The following ERBIN variants were observed in gnomAD, a reference collection of about 807,000 sequenced individuals.
ERBIN encodes the protein erbb2 interacting protein, also known as densin-180-like protein.
Under a neutral mutation model 158.4 loss-of-function variants are expected in ERBIN, and 60 were observed. That is an observed-to-expected ratio of 0.38 (90% confidence interval 0.31 to 0.47). The LOEUF is 0.47. Ranked by LOEUF, ERBIN falls within the 20% of genes least tolerant of loss-of-function variation. The probability of loss-of-function intolerance (pLI) is 0.99; values close to 1 mark genes in which losing one functional copy is unlikely to be tolerated. For synonymous variants in ERBIN, 594 were observed against 557.2 expected, an observed-to-expected ratio of 1.07 and a Z score of -0.93; for missense variants, 1,610 against 1,648.0, an observed-to-expected ratio of 0.98 and a Z score of 0.40.
At chr5:66,019,360 C>G (rs1486531527) in intron 7 of ERBIN, among the ~76,000 whole-genome samples, 1 of 152,108 alleles carries the variant, frequency 6.6e-6, no homozygotes, top group East Asian at 1.9e-4. Context: ...AAATTTAATG[C>G]TACCTAAAGA....
Position 66,046,243 on chromosome 5 carries a change from G to C in ERBIN, c.1603-110G>C, listed in dbSNP as rs548268357. 9.4e-5 allele frequency: 52 copies of C among 555,078 alleles called. No individual in the cohort carries two copies. The South Asian group carries it at 2.5e-3, about 27-fold the overall frequency. 34.4% of individuals were successfully genotyped at this position (555,078 alleles called of 1,614,324 possible). On this transcript the variant is annotated intron_variant, in intron 17 of 25. Transcript: ENST00000284037. The stretch of plus-strand genomic sequence containing the variant: ...CTATGTTTAAAGTTTTCATGTTTGA[G>C]ATTAGTCCAGAATTGGAAGTTGGCA...
intron 16 of ERBIN, among the ~76,000 whole-genome samples, chr5:66,043,789 C>T (rs1197620327): frequency 3.3e-5 from 5 of 151,918 alleles, no homozygotes; most frequent in East Asian, 1.9e-4. Context: ...CATAAATATA[C>T]GAATATCTGA....
At chr5:66,046,073 G>A (rs7356537) in intron 17 of ERBIN, among the ~76,000 whole-genome samples, 8,767 of 152,240 alleles carry the variant, frequency 0.058, 882 homozygotes, top group African/African-American at 0.2. Flanking sequence ...TGAGCTAAGT[G>A]ACTCAGTTGT....
intron 1 of ERBIN, among the ~76,000 whole-genome samples, chr5:65,953,778 T>G (rs754584811): frequency 1.3e-5 from 2 of 152,156 alleles, no homozygotes; most frequent in Non-Finnish European, 2.9e-5. Context: ...TGGTTGTCAG[T>G]CCTTTGATAT....
chr5:65,972,004 C>T (rs1352896692), intron 1 of ERBIN, among the ~76,000 whole-genome samples: 2 of 152,082 alleles, frequency 1.3e-5, no homozygotes, highest in African/African-American at 2.4e-5. Context: ...AGCTGTATGC[C>T]TATAAGGGCT....
rs186389158 is a variant in ERBIN at position 65,991,649 on chromosome 5, A to G, written c.-9-1061A>G. Among the ~76,000 whole-genome samples, 330 of 152,302 alleles carry G rather than the reference A, an allele frequency of 2.2e-3. 2 individuals are homozygous for G. Among genetic ancestry groups the G allele is most frequent in the African/African-American group, 7.7e-3 (322 of 41,562 alleles). The stretch of plus-strand genomic sequence containing the variant: ...GTTAATTGCTTTATTACTTGTGCAA[A>G]TATAATCTTACTTTGCTAATATAAT... On this transcript the variant is annotated intron_variant, in intron 2 of 25. Transcript: ENST00000284037.
At chr5:66,025,171 CCA>C (rs1253343759) in intron 10 of ERBIN, 2 of 311,102 alleles carry the variant, frequency 6.4e-6, no homozygotes, top group Non-Finnish European at 1.2e-5. Context: ...CTTTTCTGTG[CCA>C]TGACATTGTT....
In ERBIN at chr5:66,043,153, A is replaced by C. The variant is rs1259724842; in HGVS notation, c.1383A>C (p.Ala461=). ...EEQRKQRAQV[A]FECDEDKDER... is the part of the protein sequence containing the mutation. Reference sequence around the variant, plus strand: ...AGAGGAAACAGCGGGCTCAAGTTGCATTTGAATGTGATGAAGACAAAGATG... The same window carrying C: ...AGAGGAAACAGCGGGCTCAAGTTGCCTTTGAATGTGATGAAGACAAAGATG... The change falls in exon 16 of 26, where the codon GCA becomes GCC. Residue 461 remains alanine (A), a synonymous_variant. Transcript: ENST00000284037. The C allele has an allele frequency of 1.4e-5, 22 of 1,613,346 alleles. No individual in the cohort carries two copies. Among genetic ancestry groups the C allele is most frequent in the Non-Finnish European group, 1.7e-5 (20 of 1,179,498 alleles).
chr5:66,056,800 C>T (rs1263621662), intron 21 of ERBIN, among the ~76,000 whole-genome samples: 1 of 151,974 alleles, frequency 6.6e-6, no homozygotes, highest in Non-Finnish European at 1.5e-5. Context: ...TCATCATTTG[C>T]TTGCCCAGAC....
intron 1 of ERBIN, among the ~76,000 whole-genome samples, chr5:65,940,277 C>A (rs1278893836): frequency 6.6e-6 from 1 of 150,536 alleles, no homozygotes; most frequent in Admixed American, 6.6e-5. Flanking sequence ...TGCCCAGCCG[C>A]CCCGTCTGAG....
At chr5:66,021,415 A>G in intron 8 of ERBIN, 30 bp downstream of exon 8, 2 of 1,444,466 alleles carry the variant, frequency 1.4e-6, no homozygotes, top group Non-Finnish European at 1.9e-6. Context: ...ACTTTCCCTA[A>G]GTTCTTATAT....
At chr5:66,019,960 G>A (rs115936892) in intron 7 of ERBIN, among the ~76,000 whole-genome samples, 1,773 of 152,114 alleles carry the variant, frequency 0.012, 37 homozygotes, top group African/African-American at 0.039. Context: ...TTTGAACATA[G>A]GAAATTATAA....
Position 65,961,170 on chromosome 5 carries a change from T to C in ERBIN, c.-57-27465T>C, listed in dbSNP as rs1005461726. 3 of 152,356 alleles carry C rather than the reference T, an allele frequency of 2.0e-5. No individual in the cohort carries two copies. The East Asian group carries it at 5.8e-4, about 29-fold the overall frequency. The allele number at this position is 152,356 out of a possible 1,614,324, so 9.4% of individuals were successfully genotyped here. ...ATTCCTGAAAATTGAACTTTTCTCTTTTTTTGCTGTCTTCACTTTGCTCCC... is the reference window on the plus strand; with the variant it reads ...ATTCCTGAAAATTGAACTTTTCTCTCTTTTTGCTGTCTTCACTTTGCTCCC... On this transcript the variant is annotated intron_variant, in intron 1 of 25. Coordinates refer to ENST00000284037, the MANE Select transcript of ERBIN (RefSeq NM_001253697.2).
chr5:65,992,302 C>A (rs1395025238), intron 2 of ERBIN, among the ~76,000 whole-genome samples: 2 of 152,000 alleles, frequency 1.3e-5, no homozygotes, highest in Non-Finnish European at 2.9e-5. Context: ...GGTGCCCACA[C>A]CTCGCCCAGC....
intron 21 of ERBIN, among the ~76,000 whole-genome samples, chr5:66,067,055 G>A (rs978560460): frequency 1.3e-5 from 2 of 152,154 alleles, no homozygotes; most frequent in East Asian, 3.8e-4. Context: ...CACAGCAAAT[G>A]TGTGTGTCTG....
At chr5:65,997,872 C>T (rs1752600614) in intron 4 of ERBIN, among the ~76,000 whole-genome samples, 1 of 152,056 alleles carries the variant, frequency 6.6e-6, no homozygotes, top group South Asian at 2.1e-4. Context: ...TAGAATTCAT[C>T]CTGTTTTCAC....
At chr5:65,935,638 T>C (rs1743983880) in intron 1 of ERBIN, among the ~76,000 whole-genome samples, 2 of 152,248 alleles carry the variant, frequency 1.3e-5, no homozygotes, top group Admixed American at 1.3e-4. Context: ...AATCCAGTAC[T>C]TTTACTCTTT....
intron 1 of ERBIN, among the ~76,000 whole-genome samples, chr5:65,960,027 C>T (rs1220855412): frequency 1.3e-5 from 2 of 152,174 alleles, no homozygotes; most frequent in East Asian, 3.8e-4. Flanking sequence ...AACATGTCCC[C>T]AAAATGTATA....
chr5:66,011,279 A>G (rs1197475342), intron 4 of ERBIN, among the ~76,000 whole-genome samples: 1 of 152,250 alleles, frequency 6.6e-6, no homozygotes, highest in Non-Finnish European at 1.5e-5. Flanking sequence ...TGCTGCCTTC[A>G]GGCATATCCA....
Sources: allele counts gnomAD v4.1 joint callset (sites outside exome capture counted in the v4.1 genomes callset), GRCh38; gene constraint gnomAD v4.1.1; transcripts MANE v1.5; gene names NCBI Gene and HGNC (gene_info 2026-07-23, HGNC 2026-07-21).